The following CPO variants were observed in gnomAD, a reference collection of about 807,000 sequenced individuals.
CPO encodes metallocarboxypeptidase C.
Under a neutral mutation model 41.2 loss-of-function variants are expected in CPO, and 43 were observed. The observed-to-expected ratio is 1.04, with a 90% CI of 0.82 to 1.35. The LOEUF is 1.35. Ranked by LOEUF, CPO falls within the 40% of genes most tolerant of loss-of-function variation. CPO has a pLI of 0.00. For synonymous variants in CPO, 178 were observed against 162.7 expected (o/e 1.09, Z -0.72); for missense variants, 408 against 451.7 (o/e 0.90, Z 0.88).
At chr2:206,950,406 A>G (rs1211924671) in intron 2 of CPO, among the ~76,000 whole-genome samples, 2 of 152,196 alleles carry the variant, frequency 1.3e-5, no homozygotes, top group African/African-American at 2.4e-5. Flanking sequence ...TAGAATGGCG[A>G]TCATTAAAAA....
chr2:206,965,253 A>T (rs1693550724), intron 7 of CPO, among the ~76,000 whole-genome samples: 1 of 152,184 alleles, frequency 6.6e-6, no homozygotes, highest in Non-Finnish European at 1.5e-5. Context: ...TGAATATTTT[A>T]CTACCACACG....
chr2:206,961,010 C>A (rs1693468866), intron 6 of CPO, 68 bp downstream of exon 6: 1 of 1,099,904 alleles, frequency 9.1e-7, no homozygotes, highest in Non-Finnish European at 1.4e-6. Context: ...AGGTGAATTA[C>A]TAAATGTATA....
chr2:206,961,799 A>T (rs943214440), intron 6 of CPO, among the ~76,000 whole-genome samples: 1 of 152,196 alleles, frequency 6.6e-6, no homozygotes, highest in African/African-American at 2.4e-5. Context: ...AGGTTTAAGT[A>T]AAAGCATACT....
chr2:206,940,610 T>C (rs868518545), intron 1 of CPO, among the ~76,000 whole-genome samples: 73 of 152,034 alleles, frequency 4.8e-4, no homozygotes, highest in African/African-American at 1.7e-3. Flanking sequence ...TCTAAATACA[T>C]TCTATTGAAA....
chr2:206,967,480 TC>T (rs1693603677), intron 7 of CPO, among the ~76,000 whole-genome samples: 1 of 151,698 alleles, frequency 6.6e-6, no homozygotes, highest in African/African-American at 2.4e-5. Flanking sequence ...AGAGATAGAA[TC>T]CAGTTGGAGG....
chr2:206,969,328 A>C lies in CPO; in HGVS notation c.1017A>C (p.Ser339=), dbSNP rs1461775330. The C allele has an allele frequency of 2.5e-6, 4 of 1,614,080 alleles. No individual in the cohort carries two copies. Among genetic ancestry groups the C allele is most frequent in the Non-Finnish European group, 1.7e-6 (2 of 1,180,010 alleles). Residue 339 remains serine (S), a synonymous_variant, in exon 9 of 9, where the codon TCA becomes TCC. Transcript: ENST00000272852. Reference sequence around the variant, plus strand: ...AGGAGACCATGGAGGCTGTGCTGTCAGTCCTGGATGATGTGTATGCGAAAC... The same window carrying C: ...AGGAGACCATGGAGGCTGTGCTGTCCGTCCTGGATGATGTGTATGCGAAAC... ...TCEETMEAVL[S]VLDDVYAKHW... is the part of the protein sequence containing the mutation.
At chr2:206,948,334 G>C (rs1693184892) in intron 1 of CPO, among the ~76,000 whole-genome samples, 1 of 152,188 alleles carries the variant, frequency 6.6e-6, no homozygotes, top group African/African-American at 2.4e-5. Context: ...ACCTGAAAAT[G>C]TTGCATACTG....
chr2:206,943,507 C>T (rs1444413610), intron 1 of CPO, among the ~76,000 whole-genome samples: 3 of 151,590 alleles, frequency 2.0e-5, no homozygotes, highest in Non-Finnish European at 4.4e-5. Flanking sequence ...ACAATTTGGA[C>T]GATTTTTTAG....
rs1008800073 is a variant in CPO at position 206,969,116 on chromosome 2, A to G, written c.863-58A>G. On this transcript the variant is annotated intron_variant, in intron 8 of 8. Coordinates refer to ENST00000272852, the MANE Select transcript of CPO (RefSeq NM_173077.3). ...AACCTTTAGTTCCTGAAATGGCTAT[A>G]GAAATCCATTCTTCCAAAGTATGAC... The G allele has an allele frequency of 1.0e-5, 16 of 1,562,458 alleles. No individual in the cohort carries two copies. In the African/African-American group the frequency reaches 2.2e-4, roughly 21 times the overall value.
chr2:206,956,939 C>T (rs1227370938), intron 3 of CPO, among the ~76,000 whole-genome samples: 3 of 152,174 alleles, frequency 2.0e-5, no homozygotes, highest in Non-Finnish European at 4.4e-5. Flanking sequence ...TCCAAGTCTA[C>T]GCCAAAGCAG....
At chr2:206,967,347 A>C (rs914016447) in intron 7 of CPO, among the ~76,000 whole-genome samples, 2 of 109,816 alleles carry the variant, frequency 1.8e-5, no homozygotes, top group Middle Eastern at 8.6e-3. Flanking sequence ...ATATATATAT[A>C]TATAGATATA....
At chr2:206,968,185 T>C in intron 7 of CPO, 78 bp from the exon 8 acceptor site, 1 of 1,009,484 alleles carries the variant, frequency 9.9e-7, no homozygotes, top group Non-Finnish European at 1.6e-6. Flanking sequence ...GAGATGAATC[T>C]GGACAAAACA....
chr2:206,956,303 G>A (rs1693355368), intron 3 of CPO, among the ~76,000 whole-genome samples: 2 of 152,164 alleles, frequency 1.3e-5, no homozygotes, highest in Non-Finnish European at 2.9e-5. Context: ...TTCAGGATGG[G>A]ACCAGGCATA....
At chr2:206,940,132 T>A (rs886110279) in intron 1 of CPO, among the ~76,000 whole-genome samples, 1 of 152,256 alleles carries the variant, frequency 6.6e-6, no homozygotes, top group Non-Finnish European at 1.5e-5. Flanking sequence ...ACTTAAATTG[T>A]ATTACAGAAA....
Position 206,960,957 on chromosome 2 carries a change from A to C in CPO, c.574+15A>C, listed in dbSNP as rs369583141. ...ATCTTGGTGTAGTAAGTACATGCTT[A>C]GTAGATGAATTATGAACAAATAAAG... On this transcript the variant is annotated intron_variant, in intron 6 of 8. Transcript: ENST00000272852. The C allele has an allele frequency of 2.7e-6, 4 of 1,487,444 alleles. No homozygotes were observed. The African/African-American group carries it at 5.5e-5, about 20-fold the overall frequency. 92.1% of individuals were successfully genotyped at this position (1,487,444 alleles called of 1,614,324 possible).
At chr2:206,945,954 A>AT (rs202144139) in intron 1 of CPO, among the ~76,000 whole-genome samples, 2 of 137,800 alleles carry the variant, frequency 1.5e-5, no homozygotes, top group African/African-American at 5.3e-5. Flanking sequence ...ATAAATAAAT[A>AT]TTTAAAAAAA....
intron 1 of CPO, among the ~76,000 whole-genome samples, chr2:206,946,758 A>G (rs1348458037): frequency 2.0e-5 from 3 of 152,188 alleles, no homozygotes; most frequent in Admixed American, 6.5e-5. Flanking sequence ...AATTATAGCA[A>G]AGTTGCAGGA....
chr2:206,964,750 GT>G (rs1221188010), intron 7 of CPO, among the ~76,000 whole-genome samples: 1 of 152,158 alleles, frequency 6.6e-6, no homozygotes, highest in Non-Finnish European at 1.5e-5. Flanking sequence ...AGGGATATTT[GT>G]TGTAGATTCC....
In CPO at chr2:206,943,245, C is replaced by G. The variant is rs141606527; in HGVS notation, c.68+3578C>G. ...AACTATGTGAAGGAAGGAAGAACAG[C>G]CAGCTTCCTTGTTCTCAATACTGTT... On this transcript the variant is annotated intron_variant, in intron 1 of 8. Transcript: ENST00000272852. Among the ~76,000 whole-genome samples, 879 of 152,184 alleles carry G rather than the reference C, an allele frequency of 5.8e-3. 3 individuals are homozygous for G. The highest frequency in any genetic ancestry group is 0.017 in the Middle Eastern group (5 of 294).
Sources: allele counts gnomAD v4.1 joint callset (sites outside exome capture counted in the v4.1 genomes callset), GRCh38; gene constraint gnomAD v4.1.1; transcripts MANE v1.5; gene names NCBI Gene and HGNC (gene_info 2026-07-23, HGNC 2026-07-21).